The following PCDHGB2 variants were observed in gnomAD, a reference collection of about 807,000 sequenced individuals.
The protein encoded by PCDHGB2 is protocadherin gamma-B2.
In PCDHGB2, 55 loss-of-function variants were observed where a neutral mutation model predicts 59.3. That is an observed-to-expected ratio of 0.93 (90% CI 0.75 to 1.16). PCDHGB2 has a LOEUF of 1.16. PCDHGB2 is among the 50% of genes most tolerant of loss of function. PCDHGB2 has a pLI of 0.00. For synonymous variants in PCDHGB2, 516 were observed against 512.0 expected (o/e 1.01, Z -0.11); for missense variants, 1,228 against 1,198.5 (o/e 1.02, Z -0.36).
intron 1 of PCDHGB2, chr5:141,394,466 C>T (rs765078363): frequency 1.2e-6 from 2 of 1,614,222 alleles, no homozygotes; most frequent in Non-Finnish European, 8.5e-7. Flanking sequence ...TGAGCCTGTT[C>T]GTGCTGGACC....
intron 2 of PCDHGB2, among the ~76,000 whole-genome samples, chr5:141,505,180 A>G (rs1435197883): frequency 6.6e-6 from 1 of 152,200 alleles, no homozygotes; most frequent in Non-Finnish European, 1.5e-5. Context: ...AGAAAAAAGC[A>G]TCGGAGGCAG....
At chr5:141,409,325 G>A (rs2095255437) in intron 1 of PCDHGB2, 1 of 1,613,984 alleles carries the variant, frequency 6.2e-7, no homozygotes, top group Non-Finnish European at 8.5e-7. Context: ...ACGGGATCTG[G>A]ATTTCGGAGG....
intron 1 of PCDHGB2, chr5:141,383,348 T>C: frequency 6.2e-7 from 1 of 1,613,946 alleles, no homozygotes; most frequent in Admixed American, 1.7e-5. Context: ...GCTCCTGGGG[T>C]TCGGTTTCCG....
chr5:141,467,990 A>G (rs1593103654), intron 1 of PCDHGB2, among the ~76,000 whole-genome samples: 2 of 152,052 alleles, frequency 1.3e-5, no homozygotes, highest in South Asian at 2.1e-4. Context: ...GAAAACCACA[A>G]TTCTTTCTTC....
chr5:141,400,565 A>C (rs766459739), intron 1 of PCDHGB2: 1 of 1,612,948 alleles, frequency 6.2e-7, no homozygotes, highest in South Asian at 1.1e-5. Flanking sequence ...TTACCCACCC[A>C]ATTTTCTGTA....
chr5:141,418,151 G>A (rs1276817622), intron 1 of PCDHGB2: 4 of 1,613,990 alleles, frequency 2.5e-6, no homozygotes, highest in East Asian at 4.5e-5. Context: ...AATATGCAAA[G>A]AGAGAAGAAG....
chr5:141,385,308 C>A, intron 1 of PCDHGB2: 1 of 1,612,216 alleles, frequency 6.2e-7, no homozygotes, highest in Non-Finnish European at 8.5e-7. Context: ...GTAAAGAAAA[C>A]CTGCCAAGTA....
chr5:141,385,223 A>C (rs766051345), intron 1 of PCDHGB2: 6 of 1,614,184 alleles, frequency 3.7e-6, no homozygotes. Flanking sequence ...CAGCCCAACT[A>C]TGTAGACATG....
chr5:141,399,658 T>G (rs766038311), intron 1 of PCDHGB2: 22 of 1,613,572 alleles, frequency 1.4e-5, no homozygotes, highest in South Asian at 4.4e-5. Flanking sequence ...TGGGGTGGTG[T>G]TCGCGCAGCG....
Position 141,431,687 on chromosome 5 carries a change from G to A in PCDHGB2, c.2422-63120G>A. On this transcript the variant is annotated intron_variant, in intron 1 of 3. Transcript: ENST00000522605. This position sits in a 1 kb window ranked among gnomAD's most constrained non-coding sequence, Gnocchi z 4.8. ...ATCAACAATAGGGGAGTTGGACCAC[G>A]AGGAGTCAGGATTCTACCAGATGGA... The A allele has an allele frequency of 1.9e-6, 3 of 1,614,214 alleles. No homozygotes were observed. Among genetic ancestry groups the A allele is most frequent in the Middle Eastern group, 1.6e-4 (1 of 6,062 alleles).
At chr5:141,380,946 C>A (rs555019785) in intron 1 of PCDHGB2, among the ~76,000 whole-genome samples, 2 of 152,328 alleles carry the variant, frequency 1.3e-5, no homozygotes, top group East Asian at 3.8e-4. Flanking sequence ...CTTGCCTCAA[C>A]AAGAAGTTCA....
In PCDHGB2 at chr5:141,370,457, G is replaced by T. The variant is rs774974710; in HGVS notation, c.2421+7901G>T. 2.5e-6 allele frequency: 4 copies of T among 1,611,872 alleles called. No homozygotes were observed. In the South Asian group the frequency reaches 4.4e-5, roughly 18 times the overall value. ...AGAGGCGAATGCTATTTCTCTTCCT[G>T]CTCTCTTTGTTAGACCAGGCTCTCT... On this transcript the variant is annotated intron_variant, in intron 1 of 3. Transcript: ENST00000522605.
intron 2 of PCDHGB2, among the ~76,000 whole-genome samples, chr5:141,499,738 A>G (rs1284003023): frequency 2.4e-5 from 3 of 127,268 alleles, no homozygotes; most frequent in South Asian, 2.4e-4. Flanking sequence ...TCTCTTGCCC[A>G]GGCTGTGGCA....
intron 1 of PCDHGB2, chr5:141,423,486 C>G: frequency 6.2e-7 from 1 of 1,613,952 alleles, no homozygotes; most frequent in Non-Finnish European, 8.5e-7. Context: ...TCCTGCAAAC[C>G]TATTCCCACG....
intron 1 of PCDHGB2, chr5:141,416,001 G>C (rs2095980823): frequency 4.0e-6 from 1 of 253,062 alleles, no homozygotes; most frequent in Non-Finnish European, 7.3e-6. Flanking sequence ...AGGCAGGTCT[G>C]GTAAGAATAG....
At chr5:141,467,768 C>T (rs2099151160) in intron 1 of PCDHGB2, among the ~76,000 whole-genome samples, 2 of 151,794 alleles carry the variant, frequency 1.3e-5, no homozygotes, top group African/African-American at 2.4e-5. Flanking sequence ...CTCAAGTGCC[C>T]GCACCTCAGC....
intron 1 of PCDHGB2, chr5:141,428,734 A>G (rs922346225): frequency 1.9e-5 from 3 of 158,252 alleles, no homozygotes; most frequent in Non-Finnish European, 2.8e-5. Context: ...TAAACATATT[A>G]TATCTACTAT....
chr5:141,408,540 C>G (rs201370009), intron 1 of PCDHGB2: 4 of 1,613,928 alleles, frequency 2.5e-6, no homozygotes, highest in Non-Finnish European at 3.4e-6. Flanking sequence ...GTGGAAAATC[C>G]TTTAAATATT....
Position 141,477,553 on chromosome 5 carries a change from A to G in PCDHGB2, c.2422-17254A>G. ...TCCCCGGGGCTCCAATACTAAACCTAAGTGTCTGGGACCCCGACGCCCCGC... is the reference window on the plus strand; with the variant it reads ...TCCCCGGGGCTCCAATACTAAACCTGAGTGTCTGGGACCCCGACGCCCCGC... On this transcript the variant is annotated intron_variant, in intron 1 of 3. Transcript: ENST00000522605. This position sits in a 1 kb window ranked among gnomAD's most constrained non-coding sequence, Gnocchi z 4.9. 5 of 1,614,090 alleles carry G rather than the reference A, an allele frequency of 3.1e-6. No individual in the cohort carries two copies. The highest frequency in any genetic ancestry group is 4.2e-6 in the Non-Finnish European group (5 of 1,180,020).
Sources: gnomAD v4.1 joint callset for allele counts (sites outside exome capture counted in the v4.1 genomes callset) on GRCh38, gnomAD v4.1.1 for gene constraint, Gnocchi (gnomAD v3.1) non-coding constraint, MANE v1.5 for transcripts, NCBI Gene and HGNC (gene_info 2026-07-23, HGNC 2026-07-21) for gene names.